MIPOL1: variants seen among roughly 807,000 people sequenced by gnomAD.
MIPOL1 encodes the protein mirror-image polydactyly 1, also known as mirror-image polydactyly gene 1 protein.
A neutral mutation model predicts 60.9 loss-of-function variants in MIPOL1; 57 were observed. That is an observed-to-expected ratio of 0.94 (90% CI 0.76 to 1.17). MIPOL1 has a LOEUF of 1.17. Ranked by LOEUF, MIPOL1 falls within the 50% of genes most tolerant of loss-of-function variation. The pLI is 0.00. For synonymous variants in MIPOL1, 179 were observed against 168.8 expected (o/e 1.06, Z -0.47); for missense variants, 551 against 511.6 (o/e 1.08, Z -0.74).
intron 9 of MIPOL1, among the ~76,000 whole-genome samples, chr14:37,339,596 T>G (rs113227672): frequency 0.012 from 1,872 of 152,348 alleles, 14 homozygotes; most frequent in Middle Eastern, 0.031. Context: ...AATTGTGGTA[T>G]ATGCATAAAA....
chr14:37,530,821 ATT>A, intron 12 of MIPOL1, among the ~76,000 whole-genome samples: 2 of 145,244 alleles, frequency 1.4e-5, no homozygotes, highest in African/African-American at 5.0e-5. Context: ...TGTAGAAAGG[ATT>A]TTTTTTTTTT....
At chr14:37,374,788 GC>G (rs2092729845) in intron 10 of MIPOL1, among the ~76,000 whole-genome samples, 1 of 151,906 alleles carries the variant, frequency 6.6e-6, no homozygotes, top group Non-Finnish European at 1.5e-5. Context: ...GGTTACTGTA[GC>G]CTCGTATAGT....
chr14:37,234,573 A>T (rs116852432), intron 1 of MIPOL1, among the ~76,000 whole-genome samples: 1,565 of 151,852 alleles, frequency 0.01, 17 homozygotes, highest in Non-Finnish European at 0.011. Context: ...GGCCTCAAGT[A>T]ATTCTCCTGT....
rs530661485 is a variant in MIPOL1 at position 37,209,811 on chromosome 14, C to G, written c.-199+11707C>G. ...CTTGACCTCCTGGGCTCAAGCAATC[C>G]TCCCACCTCAGCCTCCCAGGTAGCT... On this transcript the variant is annotated intron_variant, in intron 1 of 12. Coordinates refer to ENST00000684589, the MANE Select transcript of MIPOL1 (RefSeq NM_001388067.1). Among the ~76,000 whole-genome samples, 21 of 152,150 alleles carry G rather than the reference C, an allele frequency of 1.4e-4. No individual in the cohort carries two copies. In the South Asian group the frequency reaches 3.9e-3, roughly 29 times the overall value.
intron 12 of MIPOL1, chr14:37,501,628 G>A (rs1314766343): frequency 1.3e-5 from 2 of 152,156 alleles, no homozygotes; most frequent in East Asian, 1.9e-4. Context: ...TTACTGAATG[G>A]CCAAGATAAC....
At position 37,440,710 on chromosome 14, in the gene MIPOL1, A is replaced by C. The variant is rs183324851; in HGVS notation, c.1031+17761A>C. ...CATAGGTTGACTCCACATCTTTGCC[A>C]TTGTGGATTGTGCTGTGATAAACAT... is the stretch of plus-strand genomic sequence containing the variant. On this transcript the variant is annotated intron_variant, in intron 11 of 12. Transcript: ENST00000684589. Among the ~76,000 whole-genome samples, 799 of 152,268 alleles carry C rather than the reference A, an allele frequency of 5.2e-3. 6 individuals carry two copies. The highest frequency in any genetic ancestry group is 8.8e-3 in the Non-Finnish European group (598 of 68,026).
intron 12 of MIPOL1, among the ~76,000 whole-genome samples, chr14:37,508,031 A>C (rs549654274): frequency 1.3e-5 from 2 of 152,148 alleles, no homozygotes; most frequent in Non-Finnish European, 2.9e-5. Flanking sequence ...GGCAAAATGT[A>C]TCTTCATGAG....
intron 11 of MIPOL1, among the ~76,000 whole-genome samples, chr14:37,453,533 T>C (rs2094445235): frequency 6.6e-6 from 1 of 152,178 alleles, no homozygotes; most frequent in South Asian, 2.1e-4. Flanking sequence ...CTTTACCTGC[T>C]TGACTCTGAG....
chr14:37,426,039 A>C (rs1258654959), intron 11 of MIPOL1, among the ~76,000 whole-genome samples: 3 of 152,188 alleles, frequency 2.0e-5, no homozygotes, highest in Non-Finnish European at 4.4e-5. Flanking sequence ...AACGTAGGTT[A>C]AGGATTTTTG....
intron 1 of MIPOL1, among the ~76,000 whole-genome samples, chr14:37,210,560 A>C (rs57064015): frequency 6.6e-5 from 10 of 152,236 alleles, no homozygotes; most frequent in African/African-American, 2.2e-4. Context: ...GGATTCCTCT[A>C]ATCAGTCTCC....
At chr14:37,297,145 T>C (rs1412635967) in intron 7 of MIPOL1, among the ~76,000 whole-genome samples, 2 of 152,176 alleles carry the variant, frequency 1.3e-5, no homozygotes, top group Admixed American at 1.3e-4. Context: ...GCAAGGCTGG[T>C]TCAACATACG....
chr14:37,363,374 G>A (rs1200120649), intron 9 of MIPOL1, among the ~76,000 whole-genome samples: 4 of 152,188 alleles, frequency 2.6e-5, no homozygotes, highest in Admixed American at 6.5e-5. Context: ...AGGTCCCTCA[G>A]CTGCAGGTCC....
At chr14:37,307,663 A>T (rs893328753) in intron 7 of MIPOL1, among the ~76,000 whole-genome samples, 2 of 152,012 alleles carry the variant, frequency 1.3e-5, no homozygotes, top group African/African-American at 2.4e-5. Flanking sequence ...TAAAAATACT[A>T]GCCTTGTTTT....
At chr14:37,249,594 T>A (rs912445640) in intron 3 of MIPOL1, among the ~76,000 whole-genome samples, 1 of 152,184 alleles carries the variant, frequency 6.6e-6, no homozygotes, top group Non-Finnish European at 1.5e-5. Context: ...AACAATCATA[T>A]ATAATATCTG....
At chr14:37,542,268 T>C (rs568737686) in intron 12 of MIPOL1, among the ~76,000 whole-genome samples, 1 of 152,308 alleles carries the variant, frequency 6.6e-6, no homozygotes, top group East Asian at 1.9e-4. Flanking sequence ...CTTTGACCAT[T>C]CTTTCTCAAT....
chr14:37,463,857 T>C (rs2094568042), intron 11 of MIPOL1, among the ~76,000 whole-genome samples: 1 of 152,090 alleles, frequency 6.6e-6, no homozygotes, highest in African/African-American at 2.4e-5. Flanking sequence ...CTGTAAACTA[T>C]GCATTGAACA....
At chr14:37,364,224 A>G (rs1247691818) in intron 9 of MIPOL1, among the ~76,000 whole-genome samples, 3 of 152,202 alleles carry the variant, frequency 2.0e-5, no homozygotes, top group Non-Finnish European at 4.4e-5. Context: ...CGTGGATCAC[A>G]CTTGGATCTG....
At chr14:37,402,315 C>T (rs959696500) in intron 10 of MIPOL1, among the ~76,000 whole-genome samples, 1 of 152,080 alleles carries the variant, frequency 6.6e-6, no homozygotes, top group Non-Finnish European at 1.5e-5. Context: ...AAAAAATTTG[C>T]CACCTTTTGG....
chr14:37,452,733 A>G (rs187330554), intron 11 of MIPOL1, among the ~76,000 whole-genome samples: 1 of 152,330 alleles, frequency 6.6e-6, no homozygotes, highest in African/African-American at 2.4e-5. Context: ...ACTATCCATG[A>G]AAAATAACTT....
Sources: allele counts gnomAD v4.1 joint callset (sites outside exome capture counted in the v4.1 genomes callset), GRCh38; gene constraint gnomAD v4.1.1; transcripts MANE v1.5; gene names NCBI Gene and HGNC (gene_info 2026-07-23, HGNC 2026-07-21).